Variants in PDZRN4 observed in about 807,000 individuals in gnomAD.
The protein encoded by PDZRN4 is PDZ domain containing ring finger 4.
Under a neutral mutation model 99.0 loss-of-function variants are expected in PDZRN4, and 70 were observed. That is an observed-to-expected ratio of 0.71 (90% CI 0.58 to 0.86). The LOEUF is 0.86. Among genes scored for constraint, PDZRN4 ranks in the 40% least tolerant of loss-of-function variants. The pLI is 0.00. For missense variants in PDZRN4, 1,474 were observed against 1,331.2 expected, an observed-to-expected ratio of 1.11 and a Z score of -1.67; for synonymous variants, 551 against 501.6, an observed-to-expected ratio of 1.10 and a Z score of -1.32.
intron 3 of PDZRN4, among the ~76,000 whole-genome samples, chr12:41,248,212 A>G (rs922033235): frequency 2.6e-5 from 4 of 152,208 alleles, no homozygotes; most frequent in African/African-American, 9.6e-5. Flanking sequence ...CTCAGCTGGC[A>G]TGTTGCTGAG....
intron 3 of PDZRN4, among the ~76,000 whole-genome samples, chr12:41,227,002 G>A (rs1417548125): frequency 6.6e-6 from 1 of 152,078 alleles, no homozygotes; most frequent in Non-Finnish European, 1.5e-5. Flanking sequence ...ATCCCAAATT[G>A]CAAATAGGCA....
At chr12:41,277,990 T>C (rs530950300) in intron 3 of PDZRN4, among the ~76,000 whole-genome samples, 2 of 152,330 alleles carry the variant, frequency 1.3e-5, no homozygotes, top group East Asian at 1.9e-4. Context: ...ATGGCCTCCA[T>C]CTGATCCAAA....
chr12:41,220,601 G>T (rs992516859), intron 3 of PDZRN4, among the ~76,000 whole-genome samples: 1 of 152,150 alleles, frequency 6.6e-6, no homozygotes, highest in African/African-American at 2.4e-5. Context: ...AAATGGCTCC[G>T]AGAGGAGCTG....
At chr12:41,319,253 G>C (rs970006184) in intron 3 of PDZRN4, among the ~76,000 whole-genome samples, 5 of 151,910 alleles carry the variant, frequency 3.3e-5, no homozygotes, top group African/African-American at 1.2e-4. Context: ...TGTTGCTCCA[G>C]CTGCCTTTGA....
intron 3 of PDZRN4, among the ~76,000 whole-genome samples, chr12:41,206,810 A>G (rs1440127729): frequency 6.6e-6 from 1 of 151,920 alleles, no homozygotes; most frequent in Non-Finnish European, 1.5e-5. Context: ...AATGCTTCCT[A>G]TCTTACCTGG....
In PDZRN4 at chr12:41,188,475, G is replaced by C. The variant is rs961711000; in HGVS notation, c.20G>C (p.Arg7Pro). The C allele has an allele frequency of 6.3e-6, 10 of 1,591,116 alleles. No individual in the cohort carries two copies. Among genetic ancestry groups the C allele is most frequent in the Non-Finnish European group, 8.5e-6 (10 of 1,176,468 alleles). MGFALE[R>P]FAEAVDPALE... ...CCTAACATGGGCTTTGCCCTGGAGCGCTTCGCAGAAGCCGTGGACCCGGCT... is the reference window on the plus strand; with the variant it reads ...CCTAACATGGGCTTTGCCCTGGAGCCCTTCGCAGAAGCCGTGGACCCGGCT... The change falls in exon 1 of 10, where the codon CGC (arginine) becomes CCC (proline). Residue 7 changes from arginine (R) to proline (P), a missense_variant. By Grantham distance (103) the Arg-to-Pro change is moderately radical. Transcript: ENST00000402685.
rs552628854 is a variant in PDZRN4 at position 41,245,548 on chromosome 12, C to T, written c.843+51360C>T. On this transcript the variant is annotated intron_variant, in intron 3 of 9. Coordinates refer to ENST00000402685, the MANE Select transcript of PDZRN4 (RefSeq NM_001164595.2). ...AATGTAATAGGATACCTAGGATTGG[C>T]TTCAAAATGATATGTGGTGGAGGGA... is the stretch of plus-strand genomic sequence containing the variant. Among the ~76,000 whole-genome samples, 6 of 152,144 alleles carry T rather than the reference C, an allele frequency of 3.9e-5. 1 individual carries two copies. The South Asian group carries it at 1.0e-3, about 26-fold the overall frequency.
At chr12:41,480,596 T>C (rs899834118) in intron 3 of PDZRN4, among the ~76,000 whole-genome samples, 3 of 152,160 alleles carry the variant, frequency 2.0e-5, no homozygotes, top group Non-Finnish European at 4.4e-5. Context: ...AGGAATATAA[T>C]AAACGAAAAC....
chr12:41,289,521 C>T (rs1054322000), intron 3 of PDZRN4, among the ~76,000 whole-genome samples: 5 of 152,170 alleles, frequency 3.3e-5, no homozygotes, highest in Admixed American at 2.0e-4. Flanking sequence ...AGCAGCAGCA[C>T]AACAGCTGAG....
intron 3 of PDZRN4, among the ~76,000 whole-genome samples, chr12:41,297,664 T>A (rs902822995): frequency 6.6e-6 from 1 of 152,160 alleles, no homozygotes; most frequent in African/African-American, 2.4e-5. Context: ...ATATAAAATA[T>A]TCCTCTTCAG....
Position 41,191,482 on chromosome 12 carries a change from A to T in PDZRN4, c.673A>T (p.Ile225Phe). The change falls in exon 2 of 10, where the codon ATT becomes TTT. Residue 225 changes from isoleucine to phenylalanine, a missense_variant. Ile to Phe is a conservative substitution (Grantham distance 21, BLOSUM62 0). Transcript: ENST00000402685. ...GGATGGAGAGCATAAGCCATTCACT[A>T]TTGTGTTAGAAAGAGAAAATGACAC... is the stretch of plus-strand genomic sequence containing the variant. Reference protein sequence around the residue: ...RRDGEHKPFTIVLERENDTLG... With the variant: ...RRDGEHKPFTFVLERENDTLG... 6.4e-7 allele frequency: 1 copy of T among 1,565,788 alleles called. No homozygotes were observed. Among genetic ancestry groups the T allele is most frequent in the Non-Finnish European group, 8.7e-7 (1 of 1,150,054 alleles).
At chr12:41,438,470 G>C (rs1385701773) in intron 3 of PDZRN4, among the ~76,000 whole-genome samples, 2 of 152,174 alleles carry the variant, frequency 1.3e-5, no homozygotes, top group Non-Finnish European at 2.9e-5. Context: ...TGGATGAATT[G>C]AGAATTTGTG....
intron 3 of PDZRN4, among the ~76,000 whole-genome samples, chr12:41,480,369 G>T: frequency 6.6e-6 from 1 of 152,152 alleles, no homozygotes; most frequent in Middle Eastern, 3.4e-3. Context: ...CCACCTCTTT[G>T]TTCTATATCT....
chr12:41,495,653 A>G (rs1937986286), intron 3 of PDZRN4, among the ~76,000 whole-genome samples: 1 of 152,114 alleles, frequency 6.6e-6, no homozygotes, highest in Admixed American at 6.6e-5. Flanking sequence ...CCCTAAACCT[A>G]AATGAGGCCA....
intron 5 of PDZRN4, among the ~76,000 whole-genome samples, chr12:41,518,567 TATA>T (rs149369704): frequency 0.059 from 8,923 of 152,094 alleles, 641 homozygotes; most frequent in East Asian, 0.17. Flanking sequence ...AAGAATAGTT[TATA>T]ATACTTCAGA....
chr12:41,264,724 C>A (rs1483412820), intron 3 of PDZRN4, among the ~76,000 whole-genome samples: 3 of 151,964 alleles, frequency 2.0e-5, no homozygotes, highest in African/African-American at 7.2e-5. Context: ...TTGATAAATA[C>A]AAATAGATGG....
intron 3 of PDZRN4, among the ~76,000 whole-genome samples, chr12:41,442,531 C>T (rs1952687793): frequency 6.6e-6 from 1 of 152,068 alleles, no homozygotes. Flanking sequence ...TAGGACTCAC[C>T]AGGATGCCCT....
chr12:41,364,862 T>C (rs2121066445), intron 3 of PDZRN4, among the ~76,000 whole-genome samples: 1 of 152,250 alleles, frequency 6.6e-6, no homozygotes. Context: ...TTTGTACACA[T>C]GCATTTCAAG....
At chr12:41,341,431 A>T (rs1222301641) in intron 3 of PDZRN4, among the ~76,000 whole-genome samples, 1 of 151,912 alleles carries the variant, frequency 6.6e-6, no homozygotes, top group East Asian at 1.9e-4. Context: ...TTTGCAGGAG[A>T]TGTGATCTTG....
Sources: gnomAD v4.1 joint callset for allele counts (sites outside exome capture counted in the v4.1 genomes callset) on GRCh38, gnomAD v4.1.1 for gene constraint, MANE v1.5 for transcripts, NCBI Gene and HGNC (gene_info 2026-07-23, HGNC 2026-07-21) for gene names.